Variants in CPE observed in about 807,000 individuals in gnomAD.
CPE encodes carboxypeptidase E.
A neutral mutation model predicts 53.5 loss-of-function variants in CPE; 17 were observed. That is an observed-to-expected ratio of 0.32 (90% CI 0.22 to 0.48). The LOEUF is 0.48. Among genes scored for constraint, CPE ranks in the 20% least tolerant of loss-of-function variants. The pLI is 0.99. For missense variants in CPE, 524 were observed against 614.7 expected (o/e 0.85, Z 1.56); for synonymous variants, 226 against 228.8 (o/e 0.99, Z 0.11).
At chr4:165,421,980 G>A (rs987411819) in intron 1 of CPE, among the ~76,000 whole-genome samples, 28 of 152,104 alleles carry the variant, frequency 1.8e-4, no homozygotes, top group African/African-American at 6.5e-4. Flanking sequence ...TAAAAAAAGG[G>A]CAAATAAGCT....
rs151338144 is a variant in CPE at position 165,407,511 on chromosome 4, A to G, written c.307+27983A>G. Reference sequence around the variant, plus strand: ...TCAGCCTCCCAAATAACTCAAGTGGATTGCTGGGATTACAAGCATCATGCC... The same window carrying G: ...TCAGCCTCCCAAATAACTCAAGTGGGTTGCTGGGATTACAAGCATCATGCC... On this transcript the variant is annotated intron_variant, in intron 1 of 8. Coordinates refer to ENST00000402744, the MANE Select transcript of CPE (RefSeq NM_001873.4). Among the ~76,000 whole-genome samples the G allele has an allele frequency of 5.0e-3, 729 of 145,564 alleles. 5 individuals are homozygous for G. Among genetic ancestry groups the G allele is most frequent in the African/African-American group, 0.017 (681 of 39,304 alleles).
chr4:165,422,053 C>T (rs541466437), intron 1 of CPE, among the ~76,000 whole-genome samples: 2 of 152,196 alleles, frequency 1.3e-5, no homozygotes, highest in South Asian at 4.2e-4. Context: ...AAGAAAAGAT[C>T]TGAGAAGTTT....
intron 6 of CPE, among the ~76,000 whole-genome samples, chr4:165,488,947 G>A (rs955868862): frequency 2.0e-5 from 3 of 152,156 alleles, no homozygotes; most frequent in African/African-American, 7.2e-5. Context: ...GGACTGTCGT[G>A]GAATAGATCC....
At chr4:165,496,086 C>T (rs1463021459) in intron 8 of CPE, among the ~76,000 whole-genome samples, 1 of 151,982 alleles carries the variant, frequency 6.6e-6, no homozygotes, top group Non-Finnish European at 1.5e-5. Context: ...ATTTTATGTG[C>T]AAGGCTCTCT....
chr4:165,405,737 T>C, intron 1 of CPE: 1 of 895,604 alleles, frequency 1.1e-6, no homozygotes. Flanking sequence ...TTCTTTGCCC[T>C]GTCTGCACGG....
At chr4:165,467,050 C>T (rs1579274960) in intron 2 of CPE, among the ~76,000 whole-genome samples, 1 of 152,276 alleles carries the variant, frequency 6.6e-6, no homozygotes, top group East Asian at 1.9e-4. Context: ...AGGCTGTGTG[C>T]AGCAGCTTAT....
intron 1 of CPE, among the ~76,000 whole-genome samples, chr4:165,395,287 T>C (rs548874495): frequency 6.6e-6 from 1 of 152,346 alleles, no homozygotes; most frequent in South Asian, 2.1e-4. Context: ...GTGGTGAAAG[T>C]ATTAAGTCTG....
chr4:165,415,850 G>A (rs986468300), intron 1 of CPE, among the ~76,000 whole-genome samples: 3 of 150,372 alleles, frequency 2.0e-5, no homozygotes, highest in African/African-American at 7.3e-5. Context: ...GAAGTCCTGT[G>A]TCTTCCTTTT....
intron 1 of CPE, among the ~76,000 whole-genome samples, chr4:165,457,137 C>T (rs1731916249): frequency 6.6e-6 from 1 of 152,218 alleles, no homozygotes; most frequent in African/African-American, 2.4e-5. Flanking sequence ...CAGAAGCCAT[C>T]TATCCCAAAT....
intron 1 of CPE, among the ~76,000 whole-genome samples, chr4:165,389,887 C>G (rs751669957): frequency 1.6e-4 from 24 of 152,124 alleles, no homozygotes; most frequent in Non-Finnish European, 2.8e-4. Flanking sequence ...CTTTTTCAAA[C>G]TTGTCTGTCT....
chr4:165,414,932 A>T (rs566947823), intron 1 of CPE, among the ~76,000 whole-genome samples: 15 of 146,198 alleles, frequency 1.0e-4, no homozygotes, highest in East Asian at 4.0e-4. Flanking sequence ...GCCATTATTT[A>T]AAAAAAAAAA....
chr4:165,477,780 G>T (rs1732329327), intron 3 of CPE, among the ~76,000 whole-genome samples: 1 of 152,096 alleles, frequency 6.6e-6, no homozygotes, highest in African/African-American at 2.4e-5. Context: ...CAGGCCTGGG[G>T]TGTGTGTGCT....
chr4:165,385,609 T>C (rs114396219), intron 1 of CPE, among the ~76,000 whole-genome samples: 7,234 of 152,022 alleles, frequency 0.048, 261 homozygotes, highest in South Asian at 0.089. Context: ...ACCCTGCCTG[T>C]TTGCCTTTTA....
At chr4:165,422,773 A>G (rs28566950) in intron 1 of CPE, among the ~76,000 whole-genome samples, 1 of 152,032 alleles carries the variant, frequency 6.6e-6, no homozygotes, top group African/African-American at 2.4e-5. Flanking sequence ...GTCAGGAGAT[A>G]GAGACCATCC....
Position 165,469,168 on chromosome 4 carries a change from A to G in CPE, c.672+1313A>G, listed in dbSNP as rs778290867. On this transcript the variant is annotated intron_variant, in intron 3 of 8. Coordinates refer to ENST00000402744, the MANE Select transcript of CPE (RefSeq NM_001873.4). ...GGACACATTTACATATCCACTAAAC[A>G]TTTGGTGCATCTTTGAACCAATATT... Among the ~76,000 whole-genome samples the G allele has an allele frequency of 3.4e-4, 52 of 152,180 alleles. 1 individual carries two copies. Among genetic ancestry groups the G allele is most frequent in the Non-Finnish European group, 5.7e-4 (39 of 68,050 alleles).
At chr4:165,460,339 G>T (rs1330607450) in intron 1 of CPE, among the ~76,000 whole-genome samples, 1 of 152,148 alleles carries the variant, frequency 6.6e-6, no homozygotes, top group Non-Finnish European at 1.5e-5. Context: ...AATTTCTTCA[G>T]AATCTGTTGT....
chr4:165,445,280 CTTTTTTTG>C, intron 1 of CPE, among the ~76,000 whole-genome samples: 1 of 139,094 alleles, frequency 7.2e-6, no homozygotes, highest in East Asian at 2.1e-4. Flanking sequence ...TTTATTTTCC[CTTTTTTTG>C]TTTTTTTTTT....
intron 7 of CPE, among the ~76,000 whole-genome samples, chr4:165,494,200 C>CT (rs1436310872): frequency 6.6e-6 from 1 of 152,216 alleles, no homozygotes; most frequent in African/African-American, 2.4e-5. Context: ...CATGTAGCCC[C>CT]TTAGCCCTTA....
chr4:165,463,880 T>C (rs990486829), intron 1 of CPE, among the ~76,000 whole-genome samples: 1 of 152,234 alleles, frequency 6.6e-6, no homozygotes, highest in African/African-American at 2.4e-5. Context: ...ACTGGCTGGC[T>C]TAAACAACAG....
Sources: allele counts gnomAD v4.1 joint callset (sites outside exome capture counted in the v4.1 genomes callset), GRCh38; gene constraint gnomAD v4.1.1; transcripts MANE v1.5; gene names NCBI Gene and HGNC (gene_info 2026-07-23, HGNC 2026-07-21).